Variants in VPS13C observed in about 807,000 individuals in gnomAD.
VPS13C encodes the protein vacuolar protein sorting 13 homolog C.
Under a neutral mutation model 456.8 loss-of-function variants are expected in VPS13C, and 358 were observed. The ratio of observed to expected loss-of-function variants is 0.78; its 90% CI spans 0.72 to 0.86. VPS13C has a LOEUF of 0.86. Among genes scored for constraint, VPS13C ranks in the 40% least tolerant of loss-of-function variants. The pLI, the probability that VPS13C is intolerant of heterozygous loss-of-function variation, is 0.00. For synonymous variants in VPS13C, 1,578 were observed against 1,486.7 expected (o/e 1.06, Z -1.41); for missense variants, 4,818 against 4,385.4 (o/e 1.10, Z -2.79).
At chr15:61,915,355 A>C (rs973279581) in intron 61 of VPS13C, among the ~76,000 whole-genome samples, 1 of 152,204 alleles carries the variant, frequency 6.6e-6, no homozygotes, top group Non-Finnish European at 1.5e-5. Context: ...AAAGTACATA[A>C]ATTCAAGCTA....
chr15:62,007,528 GA>G (rs2046894703), intron 14 of VPS13C, 49 bp from the exon 15 acceptor site: 2 of 1,429,688 alleles, frequency 1.4e-6, no homozygotes, highest in Middle Eastern at 1.9e-4. Context: ...AGGTTTAAGA[GA>G]AAACAGGAAA....
chr15:62,015,570 T>A lies in VPS13C; in HGVS notation c.685-1578A>T, dbSNP rs1358490602. On this transcript the variant is annotated intron_variant, in intron 9 of 84. Transcript: ENST00000644861. Reference sequence around the variant, plus strand: ...GACTGGATTAAGAAAATGTGGCACATATACACCATGGAATACTATGCAGCC... The same window carrying A: ...GACTGGATTAAGAAAATGTGGCACAAATACACCATGGAATACTATGCAGCC... Among the ~76,000 whole-genome samples, 12 of 147,566 alleles carry A rather than the reference T, an allele frequency of 8.1e-5. 1 individual carries two copies. The highest frequency in any genetic ancestry group is 3.1e-4 in the African/African-American group (12 of 39,064).
intron 51 of VPS13C, among the ~76,000 whole-genome samples, chr15:61,928,976 A>G (rs2043962843): frequency 6.6e-6 from 1 of 152,088 alleles, no homozygotes; most frequent in South Asian, 2.1e-4. Context: ...AAAGAAAATC[A>G]CTGATCTACT....
In VPS13C at chr15:61,951,026, TAAAAGAG is replaced by T; in HGVS notation, c.4457-9_4457-3del. ...TGTGAAGAGGTTCCCCTTTAGAGTC[TAAAAGAG>T]AAAAAAGACAAAGTTGATCCATCAA... On this transcript the variant is annotated splice_region_variant and splice_polypyrimidine_tract_variant and intron_variant, in intron 39 of 84. Coordinates refer to ENST00000644861, the MANE Select transcript of VPS13C (RefSeq NM_020821.3). 6.4e-7 allele frequency: 1 copy of T among 1,573,874 alleles called. No homozygotes were observed. Among genetic ancestry groups the T allele is most frequent in the Non-Finnish European group, 8.6e-7 (1 of 1,161,430 alleles).
In VPS13C at chr15:61,863,408, C is replaced by G. The variant is rs749017092; in HGVS notation, c.10952+32G>C. On this transcript the variant is annotated intron_variant, in intron 82 of 84. Coordinates refer to ENST00000644861, the MANE Select transcript of VPS13C (RefSeq NM_020821.3). ...TTCTTGTGACCTATGCAACTAAGTA[C>G]TATTTGGAAAAATGTCACTTCAAGT... 6 of 1,549,668 alleles carry G rather than the reference C, an allele frequency of 3.9e-6. No homozygotes were observed. The East Asian group carries it at 1.1e-4, about 29-fold the overall frequency.
At chr15:62,035,602 T>G (rs948928174) in intron 3 of VPS13C, among the ~76,000 whole-genome samples, 1 of 152,004 alleles carries the variant, frequency 6.6e-6, no homozygotes, top group Non-Finnish European at 1.5e-5. Flanking sequence ...AAAGGAACTT[T>G]GTGCAAATGG....
At chr15:61,943,644 A>G (rs988820726) in intron 45 of VPS13C, among the ~76,000 whole-genome samples, 1 of 152,138 alleles carries the variant, frequency 6.6e-6, no homozygotes, top group Non-Finnish European at 1.5e-5. Flanking sequence ...TTAACTCAAG[A>G]TGGATTAAAT....
At chr15:61,945,174 T>A (rs913641500) in intron 45 of VPS13C, among the ~76,000 whole-genome samples, 1 of 152,242 alleles carries the variant, frequency 6.6e-6, no homozygotes, top group African/African-American at 2.4e-5. Flanking sequence ...TCCGCAGCTA[T>A]GCGGAATGGT....
chr15:61,952,351 G>A (rs2044830318), intron 38 of VPS13C, among the ~76,000 whole-genome samples: 1 of 152,132 alleles, frequency 6.6e-6, no homozygotes, highest in Non-Finnish European at 1.5e-5. Flanking sequence ...TCTCCCCCCA[G>A]ATAATGGCAA....
At chr15:61,984,297 A>G (rs1225586012) in intron 19 of VPS13C, among the ~76,000 whole-genome samples, 2 of 152,156 alleles carry the variant, frequency 1.3e-5, no homozygotes, top group African/African-American at 4.8e-5. Context: ...TGAATAAAAG[A>G]TCACACGACA....
At chr15:62,022,785 T>C (rs1395906648) in intron 8 of VPS13C, among the ~76,000 whole-genome samples, 1 of 151,978 alleles carries the variant, frequency 6.6e-6, no homozygotes. Context: ...ATTCAAGTTC[T>C]TACATGTTTC....
In VPS13C at chr15:61,865,728, TTG is replaced by T. The variant is rs199775604; in HGVS notation, c.10864-2202_10864-2201del. ...TATATGTATGTGTGTATATATGTGTTTGTGTGTATGTATATCTGTATGTGTAC... is the reference window on the plus strand; with the variant it reads ...TATATGTATGTGTGTATATATGTGTTTGTGTATGTATATCTGTATGTGTAC... On this transcript the variant is annotated intron_variant, in intron 81 of 84. Transcript: ENST00000644861. 116 of 501,520 alleles carry T rather than the reference TTG, an allele frequency of 2.3e-4. No individual in the cohort carries two copies. The East Asian group carries it at 8.0e-3, about 34-fold the overall frequency. The allele number at this position is 501,520 out of a possible 1,614,324, so 31.1% of individuals were successfully genotyped here.
intron 28 of VPS13C, among the ~76,000 whole-genome samples, chr15:61,968,812 C>G (rs140136107): frequency 1.7e-3 from 262 of 152,166 alleles, no homozygotes; most frequent in African/African-American, 5.8e-3. Flanking sequence ...ATAGAAAGAA[C>G]AAGGCCTTCA....
At chr15:62,020,927 A>T (rs543679375) in intron 8 of VPS13C, among the ~76,000 whole-genome samples, 1 of 152,120 alleles carries the variant, frequency 6.6e-6, no homozygotes, top group African/African-American at 2.4e-5. Flanking sequence ...AATAACACTT[A>T]GGGTACATAG....
intron 1 of VPS13C, among the ~76,000 whole-genome samples, chr15:62,047,446 A>C (rs1023232552): frequency 1.1e-4 from 16 of 151,628 alleles, no homozygotes; most frequent in African/African-American, 3.9e-4. Flanking sequence ...AAAAAAAAAA[A>C]CAAAAAAAGC....
At position 61,920,433 on chromosome 15, in the gene VPS13C, C is replaced by CA. The variant is rs574615114; in HGVS notation, c.7212+64dup. 248 of 1,483,848 alleles carry CA rather than the reference C, an allele frequency of 1.7e-4. No individual in the cohort carries two copies. In the African/African-American group the frequency reaches 3.2e-3, roughly 19 times the overall value. 91.9% of individuals were successfully genotyped at this position (1,483,848 alleles called of 1,614,324 possible). A position where few individuals can be genotyped will look rare whatever the true frequency, so the allele number is the denominator to read the frequency against. Reference sequence around the variant, plus strand: ...ATTTTTTGGAAACTAATTTTGATGACAAAAAAATTATATGTTTCATTTTAA... The same window carrying CA: ...ATTTTTTGGAAACTAATTTTGATGACAAAAAAAATTATATGTTTCATTTTAA... On this transcript the variant is annotated intron_variant, in intron 56 of 84. Coordinates refer to ENST00000644861, the MANE Select transcript of VPS13C (RefSeq NM_020821.3).
In VPS13C at chr15:61,880,882, C is replaced by T. The variant is rs754427467; in HGVS notation, c.9849G>A (p.Leu3283=). The T allele has an allele frequency of 7.6e-5, 122 of 1,609,874 alleles. 1 individual carries two copies. The East Asian group carries it at 2.7e-3, about 36-fold the overall frequency. Residue 3283 remains leucine (L), a synonymous_variant, in exon 72 of 85, where the codon CTG becomes CTA. Coordinates refer to ENST00000644861, the MANE Select transcript of VPS13C (RefSeq NM_020821.3). ...DQGFLGAIIA[L]FTPTTDPEAE... ...CTTCAGGGTCTGTTGTTGGGGTAAA[C>T]AGTGCAATAATAGCTCCTAGAAACC...
Position 61,919,446 on chromosome 15 carries a change from G to T in VPS13C, c.7481C>A (p.Pro2494His), listed in dbSNP as rs2043578673. 1.3e-6 allele frequency: 2 copies of T among 1,577,042 alleles called. No individual in the cohort carries two copies. Among genetic ancestry groups the T allele is most frequent in the Admixed American group, 3.8e-5 (2 of 52,202 alleles). ...ATTTGCAACTTCTGTATATCCATGA[G>T]GTACTAAGGCAGTGCATAAGTGAAA... Reference protein sequence around the residue: ...ESSFFTLTIVPHGYTEVANIP... With the variant: ...ESSFFTLTIVHHGYTEVANIP... The change falls in exon 58 of 85, where the codon CCT becomes CAT. Residue 2494 changes from proline (P) to histidine (H), a missense_variant. This residue lies in a region of VPS13C where 4,552 missense variants were observed against 4,130.6 expected (regional missense o/e 1.10). Transcript: ENST00000644861.
At chr15:62,001,691 C>T (rs1331373090) in intron 15 of VPS13C, among the ~76,000 whole-genome samples, 1 of 152,134 alleles carries the variant, frequency 6.6e-6, no homozygotes, top group African/African-American at 2.4e-5. Context: ...ACAACAGTCC[C>T]CAGAGTGTGA....
Sources: gnomAD v4.1 joint callset for allele counts (sites outside exome capture counted in the v4.1 genomes callset) on GRCh38, gnomAD v4.1.1 for gene constraint, gnomAD v4.1.1 regional missense constraint, MANE v1.5 for transcripts, NCBI Gene and HGNC (gene_info 2026-07-23, HGNC 2026-07-21) for gene names.